B4GALT6: variants seen among roughly 807,000 people sequenced by gnomAD.
B4GALT6 encodes the protein beta-1,4-galactosyltransferase 6, also known as UDP-Gal:beta-GlcNAc beta-1,4-galactosyltransferase 6.
Under a neutral mutation model 46.3 loss-of-function variants are expected in B4GALT6, and 14 were observed. The ratio of observed to expected loss-of-function variants is 0.30; its 90% CI spans 0.20 to 0.47. The LOEUF is 0.47. Among genes scored for constraint, B4GALT6 ranks in the 20% least tolerant of loss-of-function variants. The probability of loss-of-function intolerance (pLI) is 0.99; values close to 1 mark genes in which losing one functional copy is unlikely to be tolerated. For missense variants in B4GALT6, 386 were observed against 480.1 expected (o/e 0.80, Z 1.83); for synonymous variants, 168 against 162.0 (o/e 1.04, Z -0.28).
intron 3 of B4GALT6, among the ~76,000 whole-genome samples, chr18:31,647,622 G>A (rs2074007177): frequency 6.6e-6 from 1 of 152,154 alleles, no homozygotes; most frequent in Non-Finnish European, 1.5e-5. Flanking sequence ...TCGCTATACT[G>A]GGGAGTGTAG....
At chr18:31,714,065 C>T in the B4GALT6 span, among the ~76,000 whole-genome samples, 4 of 152,176 alleles carry the variant, frequency 2.6e-5, no homozygotes, top group South Asian at 8.3e-4. Context: ...TGGACTTGAC[C>T]TTGGCCCATA....
intron 1 of B4GALT6, among the ~76,000 whole-genome samples, chr18:31,683,241 A>C (rs1408608535): frequency 6.6e-6 from 1 of 152,192 alleles, no homozygotes; most frequent in Non-Finnish European, 1.5e-5. Flanking sequence ...TACACTCAAG[A>C]CAATGCCCTG....
At position 31,684,334 on chromosome 18, in the gene B4GALT6, G is replaced by T; in HGVS notation, c.93C>A (p.Phe31Leu). 2 of 1,613,752 alleles carry T rather than the reference G, an allele frequency of 1.2e-6. No homozygotes were observed. The highest frequency in any genetic ancestry group is 2.2e-5 in the South Asian group (2 of 91,048). ...TACCGATGCCTGGGGCCACATAGAT[G>T]AAGTACAGACAGGACGAAGAGAGGG... ...FFSLSSSCLY[F>L]IYVAPGIANT... The change falls in exon 1 of 9, where the codon TTC becomes TTA. Residue 31 changes from phenylalanine to leucine, a missense_variant. Transcript: ENST00000306851.
At position 31,631,256 on chromosome 18, in the gene B4GALT6, G is replaced by A. The variant is rs535479774; in HGVS notation, c.589-110C>T. ...TTTAGTAGAGATGGGGTTTCACCAT[G>A]TTGGCCAGGCTGGTCTCGAACTACT... On this transcript the variant is annotated intron_variant, in intron 5 of 8. Transcript: ENST00000306851. 8.7e-4 allele frequency: 981 copies of A among 1,122,614 alleles called. 1 individual carries two copies. The highest frequency in any genetic ancestry group is 1.1e-3 in the Non-Finnish European group (935 of 838,086). 69.5% of individuals were successfully genotyped at this position (1,122,614 alleles called of 1,614,324 possible). A position where few individuals can be genotyped will look rare whatever the true frequency, so the allele number is the denominator to read the frequency against.
chr18:31,685,012 C>T (rs1465178911), upstream of B4GALT6, among the ~76,000 whole-genome samples: 1 of 146,164 alleles, frequency 6.8e-6, no homozygotes, highest in Admixed American at 6.8e-5. Context: ...AACCAGCGCG[C>T]GCCACGCGCG....
upstream of B4GALT6, chr18:31,684,608 A>T (rs2074521449): frequency 8.6e-7 from 1 of 1,163,992 alleles, no homozygotes; most frequent in Non-Finnish European, 1.1e-6. Flanking sequence ...GACGGAATGA[A>T]TGGGAGGCCA....
intron 5 of B4GALT6, among the ~76,000 whole-genome samples, chr18:31,631,440 A>T (rs565849204): frequency 7.2e-5 from 11 of 152,232 alleles, no homozygotes; most frequent in Non-Finnish European, 1.6e-4. Flanking sequence ...ATAGACAAAT[A>T]ATAAATATAC....
the B4GALT6 span, among the ~76,000 whole-genome samples, chr18:31,721,550 TTGTAGA>T: frequency 6.6e-6 from 1 of 152,256 alleles, no homozygotes; most frequent in South Asian, 2.1e-4. Context: ...TGAAGATATT[TTGTAGA>T]TGTGGTTAAC....
At chr18:31,716,137 G>A in the B4GALT6 span, among the ~76,000 whole-genome samples, 2 of 152,182 alleles carry the variant, frequency 1.3e-5, no homozygotes, top group African/African-American at 2.4e-5. Context: ...TGGCAATGAT[G>A]AGGGAGAGAA....
At chr18:31,650,748 G>A (rs1370827120) in intron 3 of B4GALT6, among the ~76,000 whole-genome samples, 3 of 152,206 alleles carry the variant, frequency 2.0e-5, no homozygotes, top group African/African-American at 7.2e-5. Flanking sequence ...TTAGCTCAGA[G>A]GCTTCATTTT....
intron 3 of B4GALT6, among the ~76,000 whole-genome samples, chr18:31,652,396 T>G (rs528025778): frequency 6.6e-6 from 1 of 152,260 alleles, no homozygotes; most frequent in East Asian, 1.9e-4. Flanking sequence ...AGCAGTCTTG[T>G]CTCTCTGGGA....
intron 1 of B4GALT6, among the ~76,000 whole-genome samples, chr18:31,668,023 G>GGAGACA (rs2074302755): frequency 6.6e-6 from 1 of 151,750 alleles, no homozygotes; most frequent in Non-Finnish European, 1.5e-5. Context: ...CTTGAACCCT[G>GGAGACA]GAGACAGAGG....
chr18:31,647,527 T>G (rs371407862), intron 3 of B4GALT6, among the ~76,000 whole-genome samples: 2 of 152,294 alleles, frequency 1.3e-5, no homozygotes, highest in East Asian at 3.9e-4. Flanking sequence ...ATGTGCTTGT[T>G]GCCCTTTGCT....
At chr18:31,705,562 T>C in the B4GALT6 span, among the ~76,000 whole-genome samples, 1 of 152,198 alleles carries the variant, frequency 6.6e-6, no homozygotes, top group African/African-American at 2.4e-5. Flanking sequence ...CTAATTTTTG[T>C]ATTTTTAGTA....
chr18:31,640,620 C>T (rs2073918279), intron 4 of B4GALT6, among the ~76,000 whole-genome samples: 1 of 152,110 alleles, frequency 6.6e-6, no homozygotes, highest in Non-Finnish European at 1.5e-5. Context: ...GTCTGGTGCC[C>T]CTGCCAGCCC....
chr18:31,718,391 G>A, the B4GALT6 span, among the ~76,000 whole-genome samples: 1 of 152,160 alleles, frequency 6.6e-6, no homozygotes. Context: ...TATCTAAATG[G>A]ATGCAAGATA....
At chr18:31,634,468 T>C (rs1241246645) in intron 5 of B4GALT6, among the ~76,000 whole-genome samples, 1 of 152,202 alleles carries the variant, frequency 6.6e-6, no homozygotes, top group Non-Finnish European at 1.5e-5. Context: ...TCTTGTCACA[T>C]CACCCTCTAC....
At chr18:31,642,939 CCATCAACTAACTG>C (rs2073948311) in intron 4 of B4GALT6, among the ~76,000 whole-genome samples, 1 of 152,142 alleles carries the variant, frequency 6.6e-6, no homozygotes, top group African/African-American at 2.4e-5. Context: ...AATTAATTTG[CCATCAACTAACTG>C]CATTGGTATT....
chr18:31,628,450 T>G (rs1024349601), intron 6 of B4GALT6, among the ~76,000 whole-genome samples: 1 of 152,240 alleles, frequency 6.6e-6, no homozygotes, highest in South Asian at 2.1e-4. Context: ...AGCAAGCCTA[T>G]CAATTCCATT....
Sources: allele counts gnomAD v4.1 joint callset (sites outside exome capture counted in the v4.1 genomes callset), GRCh38; gene constraint gnomAD v4.1.1; transcripts MANE v1.5; gene names NCBI Gene and HGNC (gene_info 2026-07-23, HGNC 2026-07-21).